The following CTNND2 variants were observed in gnomAD, a reference collection of about 807,000 sequenced individuals.
The protein encoded by CTNND2 is catenin delta 2, also known as catenin delta-2.
A neutral mutation model predicts 144.4 loss-of-function variants in CTNND2; 22 were observed. The ratio of observed to expected loss-of-function variants is 0.15; its 90% confidence interval spans 0.11 to 0.22. CTNND2 has a LOEUF of 0.22. Among genes scored for constraint, CTNND2 ranks in the 10% least tolerant of loss-of-function variants. The pLI is 1.00. For synonymous variants in CTNND2, 751 were observed against 695.6 expected (o/e 1.08, Z -1.25); for missense variants, 1,353 against 1,618.8 (o/e 0.84, Z 2.82).
chr5:11,449,821 T>G (rs1765141766), intron 3 of CTNND2, among the ~76,000 whole-genome samples: 1 of 152,230 alleles, frequency 6.6e-6, no homozygotes, highest in Admixed American at 6.5e-5. Flanking sequence ...CGTTGACTGC[T>G]GTACTCACAG....
chr5:11,076,408 G>A (rs12516907), intron 16 of CTNND2, among the ~76,000 whole-genome samples: 28,926 of 152,216 alleles, frequency 0.19, 3,348 homozygotes, highest in Middle Eastern at 0.29. Flanking sequence ...GTGCCGAAAT[G>A]GGTGGCATTT....
intron 16 of CTNND2, among the ~76,000 whole-genome samples, chr5:11,080,510 A>T (rs1474042775): frequency 6.6e-6 from 1 of 152,186 alleles, no homozygotes. Context: ...ATGTCACAGA[A>T]CCATTTATAA....
chr5:11,278,130 C>G (rs386655), intron 9 of CTNND2, among the ~76,000 whole-genome samples: 46,317 of 151,766 alleles, frequency 0.31, 7,120 homozygotes, highest in Middle Eastern at 0.38. Context: ...TTCTCCTCGT[C>G]CCTCCCCACC....
At chr5:11,804,824 T>C (rs561293719) in intron 1 of CTNND2, among the ~76,000 whole-genome samples, 11 of 152,288 alleles carry the variant, frequency 7.2e-5, no homozygotes, top group Middle Eastern at 3.4e-3. Context: ...AGAATGAAGC[T>C]TAATGTATGT....
rs147865456 is a variant in CTNND2, at chr5:11,187,287, A to G, written c.1975+12161T>C. Among the ~76,000 whole-genome samples the G allele has an allele frequency of 7.1e-3, 1,086 of 152,334 alleles. 6 individuals carry two copies. Among genetic ancestry groups the G allele is most frequent in the Non-Finnish European group, 0.011 (769 of 68,032 alleles). On this transcript the variant is annotated intron_variant, in intron 11 of 21. Coordinates refer to ENST00000304623, the MANE Select transcript of CTNND2 (RefSeq NM_001332.4). ...ACAAATGGGACAGAATAGAGAACTC[A>G]GAAAGAAGACTGCACATCTACAACC... is the stretch of plus-strand genomic sequence containing the variant.
chr5:11,571,102 G>A (rs1291192533), intron 2 of CTNND2, among the ~76,000 whole-genome samples: 1 of 151,968 alleles, frequency 6.6e-6, no homozygotes, highest in Non-Finnish European at 1.5e-5. Context: ...TTATTCTATG[G>A]ATGTAAAATC....
chr5:11,536,638 C>T (rs1422312410), intron 3 of CTNND2, among the ~76,000 whole-genome samples: 1 of 152,006 alleles, frequency 6.6e-6, no homozygotes, highest in African/African-American at 2.4e-5. Flanking sequence ...GAAAACCAAA[C>T]ATTGTATGTT....
intron 11 of CTNND2, among the ~76,000 whole-genome samples, chr5:11,182,624 T>C (rs2149802766): frequency 6.6e-6 from 1 of 152,098 alleles, no homozygotes; most frequent in Non-Finnish European, 1.5e-5. Context: ...ACTAGCCATG[T>C]CCCCCAAGGA....
intron 3 of CTNND2, among the ~76,000 whole-genome samples, chr5:11,555,796 T>C (rs933414181): frequency 1.3e-5 from 2 of 152,106 alleles, no homozygotes; most frequent in Non-Finnish European, 1.5e-5. Flanking sequence ...ATTAGGAATA[T>C]TTGTGAGGGA....
At chr5:11,587,995 A>G (rs1158893239) in intron 2 of CTNND2, among the ~76,000 whole-genome samples, 1 of 152,112 alleles carries the variant, frequency 6.6e-6, no homozygotes, top group African/African-American at 2.4e-5. Context: ...AATTTTCTCA[A>G]TGAGTTATTT....
intron 16 of CTNND2, among the ~76,000 whole-genome samples, chr5:11,077,731 G>A (rs1177850530): frequency 1.3e-5 from 2 of 152,142 alleles, no homozygotes; most frequent in Non-Finnish European, 2.9e-5. Flanking sequence ...ACTAGGTAAG[G>A]GGGTGCTCAG....
At chr5:11,627,995 C>T (rs898703560) in intron 2 of CTNND2, among the ~76,000 whole-genome samples, 1 of 151,900 alleles carries the variant, frequency 6.6e-6, no homozygotes, top group Non-Finnish European at 1.5e-5. Context: ...CAGCTTGGCT[C>T]GCTCACCCAC....
intron 11 of CTNND2, among the ~76,000 whole-genome samples, chr5:11,185,233 TA>T (rs1006466724): frequency 6.6e-6 from 1 of 152,234 alleles, no homozygotes; most frequent in African/African-American, 2.4e-5. Context: ...TTTCCTCCTC[TA>T]AGCTCCTCTG....
chr5:11,650,294 T>G (rs372281459), intron 2 of CTNND2, among the ~76,000 whole-genome samples: 19 of 152,294 alleles, frequency 1.2e-4, no homozygotes, highest in African/African-American at 4.6e-4. Flanking sequence ...GCCATGATAG[T>G]GAGTTTCCTG....
At chr5:11,857,251 G>A (rs1396826283) in intron 1 of CTNND2, among the ~76,000 whole-genome samples, 2 of 152,192 alleles carry the variant, frequency 1.3e-5, no homozygotes, top group Non-Finnish European at 2.9e-5. Context: ...TTGGAAAAGA[G>A]TCCGGGATGA....
intron 9 of CTNND2, among the ~76,000 whole-genome samples, chr5:11,265,125 A>T (rs965980247): frequency 6.6e-6 from 1 of 152,206 alleles, no homozygotes; most frequent in East Asian, 1.9e-4. Flanking sequence ...GAAGCAAAAC[A>T]AACACAGGCT....
intron 3 of CTNND2, among the ~76,000 whole-genome samples, chr5:11,539,191 C>T (rs1774491360): frequency 6.6e-6 from 1 of 152,130 alleles, no homozygotes; most frequent in African/African-American, 2.4e-5. Flanking sequence ...ATTTTTGAAA[C>T]ATCGTATAAA....
chr5:11,150,315 G>C (rs961734890), intron 12 of CTNND2, among the ~76,000 whole-genome samples: 5 of 152,164 alleles, frequency 3.3e-5, no homozygotes, highest in African/African-American at 1.2e-4. Flanking sequence ...AAATCCGGTG[G>C]ACTTCTCTAC....
intron 3 of CTNND2, among the ~76,000 whole-genome samples, chr5:11,510,680 C>CA (rs1771548969): frequency 6.6e-6 from 1 of 152,118 alleles, no homozygotes; most frequent in African/African-American, 2.4e-5. Context: ...CCTATAATCC[C>CA]AGCACTTTGG....
Sources: gnomAD v4.1 joint callset for allele counts (sites outside exome capture counted in the v4.1 genomes callset) on GRCh38, gnomAD v4.1.1 for gene constraint, MANE v1.5 for transcripts, NCBI Gene and HGNC (gene_info 2026-07-23, HGNC 2026-07-21) for gene names.